Variants in TMEM132D observed in about 807,000 individuals in gnomAD.
TMEM132D encodes transmembrane protein 132D, also known as mature OL transmembrane protein.
In TMEM132D, 21 loss-of-function variants were observed where a neutral mutation model predicts 62.3. That is an observed-to-expected ratio of 0.34 (90% CI 0.24 to 0.49). The LOEUF is 0.49. TMEM132D is among the 20% of genes least tolerant of loss of function. The probability of loss-of-function intolerance (pLI) is 0.99; values close to 1 mark genes in which losing one functional copy is unlikely to be tolerated. For missense variants in TMEM132D, 1,346 were observed against 1,402.8 expected (o/e 0.96, Z 0.65); for synonymous variants, 621 against 575.6 (o/e 1.08, Z -1.13).
intron 2 of TMEM132D, among the ~76,000 whole-genome samples, chr12:129,639,800 A>T (rs539363510): frequency 8.3e-4 from 127 of 152,224 alleles, no homozygotes; most frequent in African/African-American, 2.6e-3. Context: ...TCTGGCTCGA[A>T]CCTGCCTTTC....
At chr12:129,417,030 C>T (rs1216352268) in intron 3 of TMEM132D, among the ~76,000 whole-genome samples, 2 of 152,056 alleles carry the variant, frequency 1.3e-5, no homozygotes, top group Non-Finnish European at 2.9e-5. Flanking sequence ...GTGTCTCTGC[C>T]AGGTTTTGGT....
chr12:129,737,748 C>T (rs1346460799), intron 1 of TMEM132D, among the ~76,000 whole-genome samples: 3 of 152,160 alleles, frequency 2.0e-5, no homozygotes, highest in Admixed American at 6.5e-5. Context: ...AAAATATAGA[C>T]GTTTTAGCAA....
intron 1 of TMEM132D, among the ~76,000 whole-genome samples, chr12:129,821,129 A>C (rs904942531): frequency 6.6e-6 from 1 of 152,198 alleles, no homozygotes; most frequent in African/African-American, 2.4e-5. Context: ...TATATTCCAG[A>C]GTGAAAACAT....
intron 2 of TMEM132D, among the ~76,000 whole-genome samples, chr12:129,626,714 C>G (rs749968423): frequency 1.3e-5 from 2 of 152,312 alleles, no homozygotes; most frequent in South Asian, 4.1e-4. Context: ...CCTCAGCCCC[C>G]ATAAGTGCTG....
At chr12:129,457,970 G>T (rs1044597774) in intron 3 of TMEM132D, among the ~76,000 whole-genome samples, 6 of 152,174 alleles carry the variant, frequency 3.9e-5, no homozygotes, top group African/African-American at 1.4e-4. Flanking sequence ...TGCATTGCCT[G>T]ATCTTGGACA....
At chr12:129,150,276 C>G (rs1877033577) in intron 5 of TMEM132D, among the ~76,000 whole-genome samples, 1 of 152,308 alleles carries the variant, frequency 6.6e-6, no homozygotes, top group Admixed American at 6.5e-5. Context: ...TCCAGCTTCC[C>G]AGGACCCCGT....
intron 2 of TMEM132D, among the ~76,000 whole-genome samples, chr12:129,698,508 A>T (rs1942953825): frequency 8.7e-6 from 1 of 115,192 alleles, no homozygotes. Context: ...CCCTTTAAAC[A>T]TAAAGGAAAA....
At chr12:129,479,155 C>T (rs904559034) in intron 3 of TMEM132D, among the ~76,000 whole-genome samples, 1 of 152,128 alleles carries the variant, frequency 6.6e-6, no homozygotes, top group African/African-American at 2.4e-5. Context: ...CAACACAATT[C>T]CCAGTATAGG....
At chr12:129,393,425 T>G (rs1202811782) in intron 3 of TMEM132D, among the ~76,000 whole-genome samples, 1 of 152,190 alleles carries the variant, frequency 6.6e-6, no homozygotes, top group Non-Finnish European at 1.5e-5. Context: ...TGGGGATGCT[T>G]TCCTGTTTCT....
chr12:129,841,897 G>A (rs1873203212), intron 1 of TMEM132D, among the ~76,000 whole-genome samples: 1 of 150,486 alleles, frequency 6.6e-6, no homozygotes. Context: ...CACCTCCTAA[G>A]AGCCAGCCCT....
At chr12:129,128,716 C>A (rs1876287729) in intron 5 of TMEM132D, among the ~76,000 whole-genome samples, 1 of 152,102 alleles carries the variant, frequency 6.6e-6, no homozygotes, top group African/African-American at 2.4e-5. Flanking sequence ...ACGCTGTACC[C>A]AATAGGTAAC....
intron 4 of TMEM132D, among the ~76,000 whole-genome samples, chr12:129,321,928 G>C (rs60530205): frequency 0.26 from 40,074 of 152,072 alleles, 5,618 homozygotes; most frequent in African/African-American, 0.3. Context: ...CGGACACACA[G>C]ATATGTCTAT....
intron 1 of TMEM132D, among the ~76,000 whole-genome samples, chr12:129,835,222 ACAGT>A (rs1368893959): frequency 3.3e-5 from 5 of 152,280 alleles, no homozygotes; most frequent in South Asian, 2.1e-4. Context: ...GGGGTTAATG[ACAGT>A]CTGTCCTCAA....
intron 4 of TMEM132D, among the ~76,000 whole-genome samples, chr12:129,323,275 C>T (rs976797237): frequency 6.6e-6 from 1 of 152,130 alleles, no homozygotes; most frequent in South Asian, 2.1e-4. Context: ...TAAATAGCAA[C>T]TTTTCCCATC....
chr12:129,491,100 T>C (rs1360370567), intron 3 of TMEM132D, among the ~76,000 whole-genome samples: 8 of 152,106 alleles, frequency 5.3e-5, no homozygotes, highest in Admixed American at 5.2e-4. Context: ...TGGAGCCTCT[T>C]TGAGACTGAA....
chr12:129,809,861 G>A (rs1944439095), intron 1 of TMEM132D, among the ~76,000 whole-genome samples: 2 of 152,090 alleles, frequency 1.3e-5, no homozygotes, highest in African/African-American at 4.8e-5. Context: ...AAAACCCTGT[G>A]TTAATAAATT....
chr12:129,828,941 G>C (rs1872748523), intron 1 of TMEM132D, among the ~76,000 whole-genome samples: 1 of 151,744 alleles, frequency 6.6e-6, no homozygotes, highest in Admixed American at 6.6e-5. Context: ...GAGGTGGAAG[G>C]GTATAAAGCC....
At chr12:129,554,345 G>A (rs887784077) in intron 2 of TMEM132D, among the ~76,000 whole-genome samples, 2 of 152,146 alleles carry the variant, frequency 1.3e-5, no homozygotes, top group Non-Finnish European at 2.9e-5. Context: ...AGGTGGTGCT[G>A]GGTTTCAATA....
chr12:129,490,420 TTCC>T (rs201628560), intron 3 of TMEM132D, among the ~76,000 whole-genome samples: 4,913 of 108,906 alleles, frequency 0.045, 281 homozygotes, highest in East Asian at 0.084. Flanking sequence ...ATAATTTCCT[TTCC>T]TTTTTTTTTT....
Sources: allele counts gnomAD v4.1 joint callset (sites outside exome capture counted in the v4.1 genomes callset), GRCh38; gene constraint gnomAD v4.1.1; transcripts MANE v1.5; gene names NCBI Gene and HGNC (gene_info 2026-07-23, HGNC 2026-07-21).